The following NR3C2 variants were observed in gnomAD, a reference collection of about 807,000 sequenced individuals.
The protein encoded by NR3C2 is mineralocorticoid receptor.
A neutral mutation model predicts 86.4 loss-of-function variants in NR3C2; 15 were observed. That is an observed-to-expected ratio of 0.17 (90% CI 0.12 to 0.27). The LOEUF (loss-of-function observed/expected upper bound fraction) is 0.27. NR3C2 is among the 10% of genes least tolerant of loss of function. NR3C2 has a pLI of 1.00. For missense variants in NR3C2, 960 were observed against 1,195.6 expected, an observed-to-expected ratio of 0.80 and a Z score of 2.91; for synonymous variants, 458 against 450.5, an observed-to-expected ratio of 1.02 and a Z score of -0.21.
At chr4:148,281,024 G>A (rs1243098391) in intron 2 of NR3C2, among the ~76,000 whole-genome samples, 1 of 152,198 alleles carries the variant, frequency 6.6e-6, no homozygotes, top group Non-Finnish European at 1.5e-5. Flanking sequence ...CTAGAGCTGT[G>A]GCACCTGCTA....
intron 8 of NR3C2, among the ~76,000 whole-genome samples, chr4:148,104,625 C>T (rs1731711606): frequency 6.6e-6 from 1 of 152,174 alleles, no homozygotes; most frequent in Admixed American, 6.5e-5. Flanking sequence ...TACTTTATTA[C>T]AGACATAGAA....
intron 2 of NR3C2, among the ~76,000 whole-genome samples, chr4:148,403,935 T>C (rs1013503245): frequency 6.6e-6 from 1 of 152,120 alleles, no homozygotes; most frequent in Non-Finnish European, 1.5e-5. Context: ...ATGTAAAGTT[T>C]CACCTTCCAC....
intron 6 of NR3C2, among the ~76,000 whole-genome samples, chr4:148,143,568 A>G (rs1202308670): frequency 6.6e-6 from 1 of 152,226 alleles, no homozygotes; most frequent in African/African-American, 2.4e-5. Flanking sequence ...TATCTGCCAA[A>G]TGAAAGGACA....
chr4:148,355,608 C>T (rs546342955), intron 2 of NR3C2, among the ~76,000 whole-genome samples: 1 of 152,284 alleles, frequency 6.6e-6, no homozygotes, highest in East Asian at 1.9e-4. Flanking sequence ...TCACTGGATG[C>T]TCTGGCATCT....
At chr4:148,146,090 A>C (rs1733854473) in intron 6 of NR3C2, among the ~76,000 whole-genome samples, 1 of 152,002 alleles carries the variant, frequency 6.6e-6, no homozygotes, top group Admixed American at 6.6e-5. Context: ...AAGAAGGGGA[A>C]GTGGGCTGGG....
chr4:148,185,428 C>T (rs1252325440), intron 4 of NR3C2, among the ~76,000 whole-genome samples: 1 of 152,222 alleles, frequency 6.6e-6, no homozygotes, highest in Non-Finnish European at 1.5e-5. Flanking sequence ...GTCCTGTTTA[C>T]TCCCTGGTCC....
intron 2 of NR3C2, among the ~76,000 whole-genome samples, chr4:148,313,804 C>T (rs1303356791): frequency 6.6e-6 from 1 of 152,218 alleles, no homozygotes; most frequent in African/African-American, 2.4e-5. Context: ...ATGGTGAACA[C>T]ACCCCCAGGC....
chr4:148,370,326 A>C (rs1746352510), intron 2 of NR3C2, among the ~76,000 whole-genome samples: 1 of 152,210 alleles, frequency 6.6e-6, no homozygotes, highest in South Asian at 2.1e-4. Flanking sequence ...TCTACAGATA[A>C]GTATTTGGAG....
chr4:148,310,999 T>C (rs1412786647), intron 2 of NR3C2, among the ~76,000 whole-genome samples: 1 of 152,194 alleles, frequency 6.6e-6, no homozygotes, highest in Non-Finnish European at 1.5e-5. Flanking sequence ...AGTTCTCGCC[T>C]TATCTGACCT....
At position 148,206,969 on chromosome 4, in the gene NR3C2, T is replaced by C. The variant is rs368540750; in HGVS notation, c.1898-12107A>G. Among the ~76,000 whole-genome samples the C allele has an allele frequency of 1.6e-4, 24 of 152,268 alleles. No individual in the cohort carries two copies. In the South Asian group the frequency reaches 3.1e-3, roughly 20 times the overall value. On this transcript the variant is annotated intron_variant, in intron 3 of 8. Coordinates refer to ENST00000358102, the MANE Select transcript of NR3C2 (RefSeq NM_000901.5). ...TAGGGTCTTTCTCTGTCATCTAGGC[T>C]GGAGTACAGTGGCATGATCACAGCT...
At chr4:148,359,441 C>T (rs1223899944) in intron 2 of NR3C2, among the ~76,000 whole-genome samples, 1 of 152,140 alleles carries the variant, frequency 6.6e-6, no homozygotes, top group Non-Finnish European at 1.5e-5. Flanking sequence ...TCTATACCTT[C>T]CCCACAACAA....
At chr4:148,312,061 A>G (rs1196166680) in intron 2 of NR3C2, among the ~76,000 whole-genome samples, 1 of 143,466 alleles carries the variant, frequency 7.0e-6, no homozygotes, top group Non-Finnish European at 1.5e-5. Flanking sequence ...ATTTATCACC[A>G]TTTAACATAT....
chr4:148,141,030 GTCTCCAAAACACTGTAAGGTC>G (rs1302409514), intron 6 of NR3C2, among the ~76,000 whole-genome samples: 1 of 152,150 alleles, frequency 6.6e-6, no homozygotes. Context: ...TACATGTTAA[GTCTCCAAAACACTGTAAGGTC>G]AATCCACATC....
chr4:148,338,721 C>T (rs928231213), intron 2 of NR3C2, among the ~76,000 whole-genome samples: 7 of 152,218 alleles, frequency 4.6e-5, no homozygotes, highest in Admixed American at 2.0e-4. Context: ...CTTCTCTGGA[C>T]AAGCAGGAAT....
chr4:148,296,297 G>A (rs557451949), intron 2 of NR3C2, among the ~76,000 whole-genome samples: 3 of 151,582 alleles, frequency 2.0e-5, no homozygotes, highest in Non-Finnish European at 4.4e-5. Context: ...ACATTTCTGG[G>A]AATTGACCCA....
intron 6 of NR3C2, among the ~76,000 whole-genome samples, chr4:148,125,577 T>C (rs1238628830): frequency 6.6e-6 from 1 of 152,216 alleles, no homozygotes. Context: ...TGGCTATATA[T>C]TTAAGACTTT....
chr4:148,185,655 C>T (rs1313468781), intron 4 of NR3C2, among the ~76,000 whole-genome samples: 2 of 152,146 alleles, frequency 1.3e-5, no homozygotes, highest in Non-Finnish European at 2.9e-5. Context: ...TAGAGATGAC[C>T]ACCACTACTA....
At chr4:148,148,043 T>C (rs1478158433) in intron 6 of NR3C2, among the ~76,000 whole-genome samples, 2 of 152,238 alleles carry the variant, frequency 1.3e-5, no homozygotes, top group African/African-American at 4.8e-5. Flanking sequence ...CTCTTTAGCT[T>C]CTGACCTGTA....
intron 2 of NR3C2, among the ~76,000 whole-genome samples, chr4:148,262,688 T>A (rs903743241): frequency 1.8e-4 from 28 of 152,146 alleles, no homozygotes; most frequent in Admixed American, 1.8e-3. Flanking sequence ...CATACTGGAA[T>A]AGGGTGGACC....
Sources: gnomAD v4.1 joint callset for allele counts (sites outside exome capture counted in the v4.1 genomes callset) on GRCh38, gnomAD v4.1.1 for gene constraint, MANE v1.5 for transcripts, NCBI Gene and HGNC (gene_info 2026-07-23, HGNC 2026-07-21) for gene names.